NTRK2: variants seen among roughly 807,000 people sequenced by gnomAD.
NTRK2 encodes the protein neurotrophic receptor tyrosine kinase 2.
A neutral mutation model predicts 94.5 loss-of-function variants in NTRK2; 13 were observed. The observed-to-expected ratio is 0.14, with a 90% CI of 0.09 to 0.22. The LOEUF (loss-of-function observed/expected upper bound fraction) is 0.22. Among genes scored for constraint, NTRK2 ranks in the 10% least tolerant of loss-of-function variants. The pLI is 1.00. For missense variants in NTRK2, 639 were observed against 1,071.2 expected, an observed-to-expected ratio of 0.60 and a Z score of 5.63; for synonymous variants, 372 against 407.4, an observed-to-expected ratio of 0.91 and a Z score of 1.05.
intron 9 of NTRK2, among the ~76,000 whole-genome samples, chr9:84,734,904 AGGGT>A (rs1163987542): frequency 3.3e-5 from 5 of 152,134 alleles, no homozygotes; most frequent in African/African-American, 4.8e-5. Context: ...CACCTTTCAG[AGGGT>A]GGGTCAGTCT....
At chr9:84,737,194 C>A (rs1339477724) in intron 9 of NTRK2, among the ~76,000 whole-genome samples, 1 of 152,158 alleles carries the variant, frequency 6.6e-6, no homozygotes, top group East Asian at 1.9e-4. Context: ...TTCCTGGCCT[C>A]CCCATTATTT....
chr9:84,943,492 T>G (rs1231400045), intron 15 of NTRK2, among the ~76,000 whole-genome samples: 1 of 152,202 alleles, frequency 6.6e-6, no homozygotes, highest in African/African-American at 2.4e-5. Context: ...AGGAGCCCTC[T>G]CCCTTAAGAG....
chr9:84,734,241 C>T (rs1211458326), intron 9 of NTRK2, among the ~76,000 whole-genome samples: 1 of 152,206 alleles, frequency 6.6e-6, no homozygotes, highest in Non-Finnish European at 1.5e-5. Context: ...CGATGCAGTG[C>T]CTGACACATG....
At chr9:84,682,690 T>C (rs1200082481) in intron 2 of NTRK2, among the ~76,000 whole-genome samples, 1 of 152,220 alleles carries the variant, frequency 6.6e-6, no homozygotes, top group Non-Finnish European at 1.5e-5. Context: ...TTTTATTTTG[T>C]GTCGGTCCCC....
intron 14 of NTRK2, among the ~76,000 whole-genome samples, chr9:84,870,364 T>TATATATATATA (rs1470777504): frequency 1.5e-5 from 2 of 131,680 alleles, no homozygotes; most frequent in South Asian, 2.6e-4. Flanking sequence ...TATATATATA[T>TATATATATATA]AAAACTCTGT....
At chr9:84,688,403 G>T (rs2059848117) in intron 2 of NTRK2, among the ~76,000 whole-genome samples, 1 of 152,098 alleles carries the variant, frequency 6.6e-6, no homozygotes, top group Non-Finnish European at 1.5e-5. Context: ...TGTGTAGGGG[G>T]GTGGCCAGGC....
intron 16 of NTRK2, among the ~76,000 whole-genome samples, chr9:84,954,672 T>C (rs1275452061): frequency 6.6e-6 from 1 of 152,156 alleles, no homozygotes; most frequent in East Asian, 1.9e-4. Context: ...GAACTGGGCT[T>C]GAGAGAGCCA....
chr9:84,754,902 T>C (rs2064948041), intron 12 of NTRK2, among the ~76,000 whole-genome samples: 1 of 152,170 alleles, frequency 6.6e-6, no homozygotes, highest in African/African-American at 2.4e-5. Flanking sequence ...GTTGACTGTT[T>C]CAATCTGTAA....
intron 14 of NTRK2, among the ~76,000 whole-genome samples, chr9:84,897,678 A>C (rs1362541809): frequency 6.6e-6 from 1 of 152,206 alleles, no homozygotes; most frequent in Non-Finnish European, 1.5e-5. Context: ...CTTAGGACCC[A>C]GAAGTGCAGA....
chr9:84,934,392 A>G, intron 15 of NTRK2, 100 bp downstream of exon 15: 1 of 1,262,606 alleles, frequency 7.9e-7, no homozygotes, highest in Non-Finnish European at 1.1e-6. Context: ...GCAGGAGTAA[A>G]TTGTTCCTGC....
At chr9:84,769,639 T>G (rs1044718106) in intron 12 of NTRK2, among the ~76,000 whole-genome samples, 1 of 152,160 alleles carries the variant, frequency 6.6e-6, no homozygotes, top group Admixed American at 6.5e-5. Context: ...CTGCCAGTGT[T>G]TCTCTTGGTT....
At chr9:84,692,468 C>CTTTTTTTTTTT (rs71369138) in intron 2 of NTRK2, among the ~76,000 whole-genome samples, 2 of 87,692 alleles carry the variant, frequency 2.3e-5, no homozygotes, top group Non-Finnish European at 4.3e-5. Flanking sequence ...TTCTTTTTTT[C>CTTTTTTTTTTT]TTTTTTTTTT....
In NTRK2 at chr9:84,670,628, C is replaced by G. The variant is rs201439188; in HGVS notation, c.-121C>G. ...TCTGATAAGCTGGACTCGGCACGCC[C>G]GCAACAAGCACCGAGGAGTTAAGAG... On this transcript the variant is annotated 5_prime_UTR_variant, in exon 2 of 19. Coordinates refer to ENST00000277120, the MANE Select transcript of NTRK2 (RefSeq NM_006180.6). 2 of 978,718 alleles carry G rather than the reference C, an allele frequency of 2.0e-6. No individual in the cohort carries two copies. The highest frequency in any genetic ancestry group is 1.7e-5 in the Admixed American group (1 of 57,466). The allele number at this position is 978,718 out of a possible 1,614,324, so 60.6% of individuals were successfully genotyped here.
intron 17 of NTRK2, among the ~76,000 whole-genome samples, chr9:85,006,272 G>A (rs1018686673): frequency 1.3e-5 from 2 of 152,220 alleles, no homozygotes; most frequent in Non-Finnish European, 2.9e-5. Flanking sequence ...TTACTGCACA[G>A]TACTCTGGCC....
intron 17 of NTRK2, among the ~76,000 whole-genome samples, chr9:84,988,032 T>C (rs1271233537): frequency 1.3e-5 from 2 of 152,250 alleles, no homozygotes; most frequent in African/African-American, 4.8e-5. Flanking sequence ...GACACAGATT[T>C]GCACCAATAG....
intron 14 of NTRK2, among the ~76,000 whole-genome samples, chr9:84,912,916 T>G (rs2077285449): frequency 6.6e-6 from 1 of 152,146 alleles, no homozygotes; most frequent in South Asian, 2.1e-4. Flanking sequence ...GCACCCGGCC[T>G]AACCTGCCTT....
chr9:84,922,281 C>A (rs1330293320), intron 14 of NTRK2, among the ~76,000 whole-genome samples: 1 of 152,230 alleles, frequency 6.6e-6, no homozygotes, highest in Admixed American at 6.5e-5. Flanking sequence ...CAACAACGTT[C>A]TCTTTCCAAC....
chr9:84,992,502 C>A (rs563013287), intron 17 of NTRK2, among the ~76,000 whole-genome samples: 1 of 152,196 alleles, frequency 6.6e-6, no homozygotes. Context: ...TTCTTTTTCC[C>A]TGAATTATTT....
intron 12 of NTRK2, among the ~76,000 whole-genome samples, chr9:84,850,948 C>A (rs963317155): frequency 1.3e-5 from 2 of 152,156 alleles, no homozygotes; most frequent in African/African-American, 4.8e-5. Flanking sequence ...GCTAGGATTT[C>A]TTTTTAGCAG....
Sources: allele counts gnomAD v4.1 joint callset (sites outside exome capture counted in the v4.1 genomes callset), GRCh38; gene constraint gnomAD v4.1.1; transcripts MANE v1.5; gene names NCBI Gene and HGNC (gene_info 2026-07-23, HGNC 2026-07-21).